The following RDX variants were observed in gnomAD, a reference collection of about 807,000 sequenced individuals.
The protein encoded by RDX is radixin, also known as deafness, autosomal recessive 24.
RDX carries 32 observed loss-of-function variants against 83.7 expected under a neutral mutation model. The observed-to-expected ratio is 0.38, with a 90% CI of 0.29 to 0.51. The LOEUF (loss-of-function observed/expected upper bound fraction) is 0.51. RDX is among the 20% of genes least tolerant of loss of function. The probability of loss-of-function intolerance (pLI) is 0.87; values close to 1 mark genes in which losing one functional copy is unlikely to be tolerated. For missense variants in RDX, 600 were observed against 689.9 expected, an observed-to-expected ratio of 0.87 and a Z score of 1.46; for synonymous variants, 229 against 222.7, an observed-to-expected ratio of 1.03 and a Z score of -0.25.
intron 5 of RDX, among the ~76,000 whole-genome samples, chr11:110,262,440 C>G (rs534462663): frequency 6.6e-6 from 1 of 151,908 alleles, no homozygotes; most frequent in East Asian, 1.9e-4. Context: ...CAAAAATTAG[C>G]CAGGTGTGGT....
intron 1 of RDX, among the ~76,000 whole-genome samples, chr11:110,289,157 G>C (rs1169971145): frequency 1.4e-5 from 2 of 146,502 alleles, no homozygotes; most frequent in Non-Finnish European, 3.0e-5. Flanking sequence ...AGAATCACTT[G>C]AACCTGGGAG....
At chr11:110,228,232 C>G (rs1022471719), downstream of RDX, among the ~76,000 whole-genome samples, 2 of 151,938 alleles carry the variant, frequency 1.3e-5, no homozygotes, top group African/African-American at 4.8e-5. Context: ...TAGTTACTAC[C>G]GTAGACTGTG....
At chr11:110,175,125 A>G (rs891241425) in exon 16 of RDX, 2 of 152,240 alleles carry the variant, frequency 1.3e-5, no homozygotes, top group Non-Finnish European at 2.9e-5. Flanking sequence ...AAGGCCCCAG[A>G]AAAACCCAGG....
At chr11:110,292,654 A>G (rs1253529805) in intron 1 of RDX, among the ~76,000 whole-genome samples, 2 of 152,106 alleles carry the variant, frequency 1.3e-5, no homozygotes, top group Non-Finnish European at 2.9e-5. Context: ...AATAAATTAA[A>G]AAAAAAAAAC....
At chr11:110,201,093 T>A (rs1249664769) in intron 14 of RDX, among the ~76,000 whole-genome samples, 1 of 150,802 alleles carries the variant, frequency 6.6e-6, no homozygotes, top group Non-Finnish European at 1.5e-5. Flanking sequence ...GGAGAATCGC[T>A]TGAACCTGGG....
At chr11:110,285,204 T>A (rs1027141965) in intron 1 of RDX, among the ~76,000 whole-genome samples, 3 of 151,014 alleles carry the variant, frequency 2.0e-5, no homozygotes, top group African/African-American at 4.9e-5. Flanking sequence ...CTGGCCAACA[T>A]AGTGAAACCC....
At chr11:110,186,760 A>T (rs1484918147) in intron 15 of RDX, among the ~76,000 whole-genome samples, 1 of 152,196 alleles carries the variant, frequency 6.6e-6, no homozygotes, top group Non-Finnish European at 1.5e-5. Flanking sequence ...CTTATGAAGC[A>T]GCTTGGACAC....
intron 12 of RDX, among the ~76,000 whole-genome samples, chr11:110,234,266 T>C (rs188043262): frequency 7.9e-5 from 12 of 152,246 alleles, no homozygotes; most frequent in East Asian, 5.8e-4. Context: ...TAAACAAATA[T>C]AGGAGGTGAG....
chr11:110,196,683 G>C (rs1027652822), intron 15 of RDX, among the ~76,000 whole-genome samples: 2 of 152,216 alleles, frequency 1.3e-5, no homozygotes, highest in African/African-American at 4.8e-5. Context: ...CAGGAATCCA[G>C]GAGGGAGGAC....
At chr11:110,210,035 ACT>A (rs1469943655) in intron 14 of RDX, among the ~76,000 whole-genome samples, 1 of 122,122 alleles carries the variant, frequency 8.2e-6, no homozygotes, top group Non-Finnish European at 1.7e-5. Flanking sequence ...CGATCAAATT[ACT>A]CTGAGCTACG....
chr11:110,284,803 G>A (rs1860915925), intron 1 of RDX, among the ~76,000 whole-genome samples: 4 of 151,964 alleles, frequency 2.6e-5, no homozygotes, highest in South Asian at 4.2e-4. Flanking sequence ...GATTACAGGC[G>A]TGAGCCACCA....
intron 3 of RDX, among the ~76,000 whole-genome samples, chr11:110,267,202 C>A (rs752374238): frequency 9.9e-5 from 15 of 152,180 alleles, no homozygotes; most frequent in South Asian, 2.1e-4. Flanking sequence ...TCGTGCCCAG[C>A]CTGTTTTTTA....
chr11:110,188,429 G>T (rs1338207071), intron 15 of RDX, among the ~76,000 whole-genome samples: 1 of 152,064 alleles, frequency 6.6e-6, no homozygotes, highest in Non-Finnish European at 1.5e-5. Context: ...AACATCGTAT[G>T]TTCTCACTTA....
At chr11:110,206,271 A>AC (rs1245311009) in intron 14 of RDX, among the ~76,000 whole-genome samples, 3 of 147,566 alleles carry the variant, frequency 2.0e-5, no homozygotes, top group African/African-American at 8.0e-5. Context: ...AAAAAAAAAA[A>AC]AAAATACTGG....
chr11:110,240,193 A>G (rs924193212), intron 10 of RDX, among the ~76,000 whole-genome samples: 5 of 152,228 alleles, frequency 3.3e-5, no homozygotes, highest in African/African-American at 4.8e-5. Flanking sequence ...ACACTATGGA[A>G]TATTATTCAG....
rs187494484 is a variant in RDX, at chr11:110,216,178, C to T, written c.1748+15695G>A. Among the ~76,000 whole-genome samples, 12 of 152,270 alleles carry T rather than the reference C, an allele frequency of 7.9e-5. No individual in the cohort carries two copies. The East Asian group carries it at 2.1e-3, about 27-fold the overall frequency. ...TTCCTCAACTTCCTCTCACACATCACTCTCCTCCGGGGTCACCTGGCTCTG... is the reference window on the plus strand; with the variant it reads ...TTCCTCAACTTCCTCTCACACATCATTCTCCTCCGGGGTCACCTGGCTCTG... On this transcript the variant is annotated intron_variant, in intron 14 of 15. Coordinates refer to the RDX transcript ENST00000528498.
chr11:110,269,773 C>A lies in RDX; in HGVS notation c.96+2763G>T, dbSNP rs1860220610. ...ATCTAGACCAGGCTGGACGGTGGCT[C>A]ACGCCTGTAATCCTGGCACTTTGGG... is the stretch of plus-strand genomic sequence containing the variant. On this transcript the variant is annotated intron_variant, in intron 3 of 13. Transcript: ENST00000645495. Among the ~76,000 whole-genome samples, 5 of 152,174 alleles carry A rather than the reference C, an allele frequency of 3.3e-5. No individual in the cohort carries two copies. In the South Asian group the frequency reaches 1.0e-3, roughly 31 times the overall value.
intron 14 of RDX, among the ~76,000 whole-genome samples, chr11:110,218,557 T>G (rs571254572): frequency 5.7e-4 from 87 of 152,240 alleles, no homozygotes; most frequent in African/African-American, 2.0e-3. Flanking sequence ...AAACTCAAAT[T>G]GTCCAAAAAG....
rs914067171 is a variant in RDX, at chr11:110,247,931, C to A, written c.960-98G>T. The stretch of plus-strand genomic sequence containing the variant: ...GCCATAAAAAGTAACAAAATAATGT[C>A]TTTTGCAGCAACTTGGATGAAGCTG... On this transcript the variant is annotated intron_variant, in intron 9 of 13. Transcript: ENST00000645495. 15 of 1,368,056 alleles carry A rather than the reference C, an allele frequency of 1.1e-5. No individual in the cohort carries two copies. The African/African-American group carries it at 1.9e-4, about 17-fold the overall frequency. 84.7% of individuals were successfully genotyped at this position (1,368,056 alleles called of 1,614,324 possible).
Sources: allele counts gnomAD v4.1 joint callset (sites outside exome capture counted in the v4.1 genomes callset), GRCh38; gene constraint gnomAD v4.1.1; transcripts MANE v1.5; gene names NCBI Gene and HGNC (gene_info 2026-07-23, HGNC 2026-07-21).